The following INA variants were observed in gnomAD, a reference collection of about 807,000 sequenced individuals.
The protein encoded by INA is alpha-internexin.
A neutral mutation model predicts 40.1 loss-of-function variants in INA; 35 were observed. The ratio of observed to expected loss-of-function variants is 0.87; its 90% CI spans 0.67 to 1.16. The LOEUF (loss-of-function observed/expected upper bound fraction) is 1.16, where lower values mean the gene tolerates loss of function less well. INA is among the 50% of genes most tolerant of loss of function. The pLI is 0.00. For missense variants in INA, 594 were observed against 686.7 expected, an observed-to-expected ratio of 0.87 and a Z score of 1.51; for synonymous variants, 290 against 316.9, an observed-to-expected ratio of 0.92 and a Z score of 0.90.
In INA at chr10:103,278,078, C is replaced by G; in HGVS notation, c.867C>G (p.Ser289=). ...NLQSAEEWYK[S]KFANLNEQAA... ...AGTCCGCGGAAGAATGGTACAAGTC[C>G]AAGTTTGCCAACCTGAACGAGCAGG... Residue 289 remains serine (S), a synonymous_variant, in exon 1 of 3, where the codon TCC becomes TCG. Coordinates refer to ENST00000369849, the MANE Select transcript of INA (RefSeq NM_032727.4). This position sits in a 1 kb window ranked among gnomAD's most constrained non-coding sequence, Gnocchi z 4.9. 3 of 1,613,686 alleles carry G rather than the reference C, an allele frequency of 1.9e-6. No individual in the cohort carries two copies. The highest frequency in any genetic ancestry group is 2.5e-6 in the Non-Finnish European group (3 of 1,179,942).
chr10:103,284,932 G>C (rs2093081917), intron 1 of INA, among the ~76,000 whole-genome samples: 1 of 152,032 alleles, frequency 6.6e-6, no homozygotes, highest in Admixed American at 6.6e-5. Context: ...ACTTAAATTG[G>C]ATGCAAATGA....
chr10:103,288,146 A>G (rs570102801), intron 2 of INA, among the ~76,000 whole-genome samples: 4 of 152,296 alleles, frequency 2.6e-5, no homozygotes, highest in South Asian at 4.1e-4. Flanking sequence ...TGCTTTAAAC[A>G]TAGCTGGTGC....
Position 103,289,197 on chromosome 10 carries a change from TCTA to T in INA, c.*529_*531del, listed in dbSNP as rs1416597905. The T allele has an allele frequency of 6.5e-6, 1 of 152,898 alleles. No individual in the cohort carries two copies. Among genetic ancestry groups the T allele is most frequent in the Non-Finnish European group, 1.5e-5 (1 of 68,270 alleles). 9.5% of individuals were successfully genotyped at this position (152,898 alleles called of 1,614,324 possible). ...CCTTCAATTCCATATATCCTTTTCT[TCTA>T]TGTAGGAAAAAAATAGTCTAGTGTA... On this transcript the variant is annotated 3_prime_UTR_variant, in exon 3 of 3. Transcript: ENST00000369849.
chr10:103,286,954 G>C (rs1230219583), intron 1 of INA, 81 bp from the exon 2 acceptor site: 1 of 1,463,530 alleles, frequency 6.8e-7, no homozygotes, highest in Non-Finnish European at 9.5e-7. Context: ...GTGTAGTCAG[G>C]GCTGGGAATC....
rs764208250 is a variant in INA, at chr10:103,277,410, C to T, written c.199C>T (p.Arg67Cys). 1.2e-5 allele frequency: 19 copies of T among 1,557,642 alleles called. No homozygotes were observed. Among genetic ancestry groups the T allele is most frequent in the South Asian group, 1.0e-4 (9 of 86,238 alleles). ...GTCGCTCGGCCTCGGCCTGGCCTATCGCCGGCCGCCGGCGTCCGACGGGCT... is the reference window on the plus strand; with the variant it reads ...GTCGCTCGGCCTCGGCCTGGCCTATTGCCGGCCGCCGGCGTCCGACGGGCT... The part of the protein sequence containing the change: ...ASSLGLGLAY[R>C]RPPASDGLDL... The change falls in exon 1 of 3, where the codon CGC (arginine) becomes TGC (cysteine). Residue 67 changes from arginine (R) to cysteine (C), a missense_variant. Physicochemically the swap from Arg to Cys is radical, Grantham distance 180. Around this residue, in one of 2 missense-constraint regions of INA, gnomAD observed 215 missense variants for 190.6 expected, o/e 1.13. Transcript: ENST00000369849. The surrounding 1 kb of genome is among the most constrained non-coding windows in gnomAD (Gnocchi z 5.6).
intron 1 of INA, among the ~76,000 whole-genome samples, chr10:103,284,200 C>T (rs948863511): frequency 3.3e-5 from 5 of 151,878 alleles, no homozygotes; most frequent in African/African-American, 7.3e-5. Context: ...CTCCGCCTAC[C>T]GGGCTCGAGC....
rs1344687968 is a variant in INA at position 103,277,268 on chromosome 10, C to T, written c.57C>T (p.Phe19=). Residue 19 remains phenylalanine (F), a synonymous_variant, in exon 1 of 3, where the codon TTC becomes TTT. Coordinates refer to ENST00000369849, the MANE Select transcript of INA (RefSeq NM_032727.4). The surrounding 1 kb of genome is among the most constrained non-coding windows in gnomAD (Gnocchi z 5.6). ...LCSSSSYRKV[F]GDGSRLSARL... is the part of the protein sequence containing the mutation. ...CCTCCTCCTCCTACCGCAAGGTGTT[C>T]GGGGATGGCTCTCGCCTGTCCGCCC... The T allele has an allele frequency of 4.4e-6, 7 of 1,592,086 alleles. No homozygotes were observed. The highest frequency in any genetic ancestry group is 4.3e-6 in the Non-Finnish European group (5 of 1,173,850).
chr10:103,277,685 C>T lies in INA; in HGVS notation c.474C>T (p.Ser158=), dbSNP rs879029190. 1 of 1,374,206 alleles carries T rather than the reference C, an allele frequency of 7.3e-7. No homozygotes were observed. Among genetic ancestry groups the T allele is most frequent in the South Asian group, 1.7e-5 (1 of 58,292 alleles). 85.1% of individuals were successfully genotyped at this position (1,374,206 alleles called of 1,614,324 possible). A position where few individuals can be genotyped will look rare whatever the true frequency, so the allele number is the denominator to read the frequency against. ...TGCGCGCGCAGCTGGAGGAGGCCAG[C>T]TCGGCTCGCTCGCAGGCCCTGCTGG... is the stretch of plus-strand genomic sequence containing the variant. The part of the protein sequence containing the change: ...RDLRAQLEEA[S]SARSQALLER... Residue 158 remains serine (S), a synonymous_variant, in exon 1 of 3, where the codon AGC becomes AGT. Transcript: ENST00000369849. The surrounding 1 kb of genome is among the most constrained non-coding windows in gnomAD (Gnocchi z 5.6).
rs1261389202 is a variant in INA at position 103,277,529 on chromosome 10, C to G, written c.318C>G (p.Ala106=). 3.2e-6 allele frequency: 5 copies of G among 1,586,432 alleles called. No homozygotes were observed. The highest frequency in any genetic ancestry group is 4.3e-6 in the Non-Finnish European group (5 of 1,170,262). The change falls in exon 1 of 3, where the codon GCC becomes GCG. Residue 106 remains alanine (A), a synonymous_variant. Coordinates refer to ENST00000369849, the MANE Select transcript of INA (RefSeq NM_032727.4). The surrounding 1 kb of genome is among the most constrained non-coding windows in gnomAD (Gnocchi z 5.6). ...EQLQGLNDRF[A]VFIEKVHQLE... is the part of the protein sequence containing the mutation. ...TGCAGGGCCTCAACGACCGCTTCGC[C>G]GTGTTCATCGAGAAGGTGCATCAGC... is the stretch of plus-strand genomic sequence containing the variant.
At position 103,277,240 on chromosome 10, in the gene INA, GCTC is replaced by G. The variant is rs754749718; in HGVS notation, c.41_43del (p.Ser14del). ...AGCTTCGGCTCGGAGCACTACCTGT[GCTC>G]CTCCTCCTCCTACCGCAAGGTGTTC... On this transcript the variant is annotated inframe_deletion, in exon 1 of 3. Coordinates refer to ENST00000369849, the MANE Select transcript of INA (RefSeq NM_032727.4). The surrounding 1 kb of genome is among the most constrained non-coding windows in gnomAD (Gnocchi z 5.6). 2.1e-5 allele frequency: 34 copies of G among 1,589,554 alleles called. No individual in the cohort carries two copies. Among genetic ancestry groups the G allele is most frequent in the Admixed American group, 6.8e-5 (4 of 58,442 alleles).
rs563373765 is a variant in INA, at chr10:103,288,307, T to TG, written c.1191-46dup. The TG allele has an allele frequency of 3.1e-4, 466 of 1,483,198 alleles. 1 individual carries two copies. The African/African-American group carries it at 5.6e-3, about 18-fold the overall frequency. 91.9% of individuals were successfully genotyped at this position (1,483,198 alleles called of 1,614,324 possible). On this transcript the variant is annotated intron_variant, in intron 2 of 2. Transcript: ENST00000369849. The stretch of plus-strand genomic sequence containing the variant: ...GAATCAGGATTGGAGGGTTGAGTTC[T>TG]GGGGGGGAAAAGTTATTGACTTCCT...
chr10:103,286,914 C>A, intron 1 of INA, 121 bp from the exon 2 acceptor site: 2 of 1,007,870 alleles, frequency 2.0e-6, no homozygotes, highest in Non-Finnish European at 2.9e-6. Flanking sequence ...TGGATATAAG[C>A]AAGTTATAAG....
rs955795514 is a variant in INA at position 103,288,557 on chromosome 10, C to T, written c.1388C>T (p.Thr463Ile). ...GCATCTAAGGTAGCCTCTAAGAAAACCTCCCAGATAGGGGAAAGTTTTGAA... is the reference window on the plus strand; with the variant it reads ...GCATCTAAGGTAGCCTCTAAGAAAATCTCCCAGATAGGGGAAAGTTTTGAA... ...EEASKVASKK[T>I]SQIGESFEEI... Residue 463 changes from threonine to isoleucine, a missense_variant, in exon 3 of 3, where the codon ACC becomes ATC. Transcript: ENST00000369849. 2 of 1,613,798 alleles carry T rather than the reference C, an allele frequency of 1.2e-6. No individual in the cohort carries two copies. Among genetic ancestry groups the T allele is most frequent in the South Asian group, 2.2e-5 (2 of 91,066 alleles).
intron 1 of INA, among the ~76,000 whole-genome samples, chr10:103,279,114 T>C (rs2093067546): frequency 6.6e-6 from 1 of 152,182 alleles, no homozygotes; most frequent in South Asian, 2.1e-4. Context: ...GCTTTGATTT[T>C]TTTTTTCCTG....
In INA at chr10:103,279,938, C is replaced by G. The variant is rs1239657856; in HGVS notation, c.1065+1662C>G. The G allele has an allele frequency of 7.8e-6, 10 of 1,288,958 alleles. No individual in the cohort carries two copies. The South Asian group carries it at 1.1e-4, about 14-fold the overall frequency. The allele number at this position is 1,288,958 out of a possible 1,614,324, so 79.8% of individuals were successfully genotyped here. On this transcript the variant is annotated intron_variant, in intron 1 of 2. Transcript: ENST00000369849. ...CTAATTGAGACTTCATTTTTTTCTT[C>G]TAGAAGCCTCCAAGTACGAGCTAGG...
chr10:103,286,193 G>A (rs906838032), intron 1 of INA, among the ~76,000 whole-genome samples: 4 of 151,936 alleles, frequency 2.6e-5, no homozygotes, highest in African/African-American at 9.7e-5. Flanking sequence ...AACTAGCCAG[G>A]CATGGTAGTG....
At position 103,290,189 on chromosome 10, in the gene INA, G is replaced by C. The variant is rs2093097015; in HGVS notation, c.*1520G>C. On this transcript the variant is annotated 3_prime_UTR_variant, in exon 3 of 3. Coordinates refer to ENST00000369849, the MANE Select transcript of INA (RefSeq NM_032727.4). ...AGAGCTCTGGTGATAAGGACATGAT[G>C]CTTTTACTGAACTTTCTTATCCTAG... 1 of 152,644 alleles carries C rather than the reference G, an allele frequency of 6.6e-6. No homozygotes were observed. Among genetic ancestry groups the C allele is most frequent in the Admixed American group, 6.5e-5 (1 of 15,280 alleles). 9.5% of individuals were successfully genotyped at this position (152,644 alleles called of 1,614,324 possible). A position where few individuals can be genotyped will look rare whatever the true frequency, so the allele number is the denominator to read the frequency against.
At chr10:103,285,176 GTTTCTC>G (rs1368637911) in intron 1 of INA, among the ~76,000 whole-genome samples, 2 of 152,054 alleles carry the variant, frequency 1.3e-5, no homozygotes, top group African/African-American at 4.8e-5. Flanking sequence ...TAGAGACAGA[GTTTCTC>G]CATATTGGTC....
chr10:103,282,360 C>T (rs1482037921), intron 1 of INA, among the ~76,000 whole-genome samples: 2 of 152,168 alleles, frequency 1.3e-5, no homozygotes, highest in African/African-American at 4.8e-5. Context: ...GAACTTGGCA[C>T]CTCTACTGCC....
Sources: gnomAD v4.1 joint callset for allele counts (sites outside exome capture counted in the v4.1 genomes callset) on GRCh38, gnomAD v4.1.1 for gene constraint, gnomAD v4.1.1 regional missense constraint, Gnocchi (gnomAD v3.1) non-coding constraint, MANE v1.5 for transcripts, NCBI Gene and HGNC (gene_info 2026-07-23, HGNC 2026-07-21) for gene names.